The following COPG2 variants were observed in gnomAD, a reference collection of about 807,000 sequenced individuals.
The protein encoded by COPG2 is coat protein complex I subunit gamma 2, also known as coatomer subunit gamma-2.
A neutral mutation model predicts 46.3 loss-of-function variants in COPG2; 37 were observed. That is an observed-to-expected ratio of 0.80 (90% confidence interval 0.61 to 1.05). The LOEUF is 1.05. Among genes scored for constraint, COPG2 ranks in the 50% least tolerant of loss-of-function variants. COPG2 has a pLI of 0.00. For synonymous variants in COPG2, 159 were observed against 129.7 expected (o/e 1.23, Z -1.53); for missense variants, 427 against 387.8 (o/e 1.10, Z -0.85).
chr7:130,617,658 T>C (rs1794971964), intron 5 of COPG2, among the ~76,000 whole-genome samples: 1 of 152,162 alleles, frequency 6.6e-6, no homozygotes, highest in Non-Finnish European at 1.5e-5. Flanking sequence ...CTTCTTTAGC[T>C]CCCCATGCAT....
rs564558208 is a variant in COPG2, at chr7:130,600,001, T to C, written c.737+10952A>G. ...ATATTCTCTCTTAGATGCAGGGTTCTAAATAGGAGGTCAATTTTGTTATCA... is the reference window on the plus strand; with the variant it reads ...ATATTCTCTCTTAGATGCAGGGTTCCAAATAGGAGGTCAATTTTGTTATCA... On this transcript the variant is annotated intron_variant, in intron 9 of 23. Coordinates refer to ENST00000425248, the MANE Select transcript of COPG2 (RefSeq NM_012133.6). Among the ~76,000 whole-genome samples the C allele has an allele frequency of 1.4e-3, 219 of 152,330 alleles. 1 individual carries two copies. Among genetic ancestry groups the C allele is most frequent in the Non-Finnish European group, 2.4e-3 (164 of 68,034 alleles).
chr7:130,626,111 CA>C (rs1231702315), intron 5 of COPG2, among the ~76,000 whole-genome samples: 3 of 152,152 alleles, frequency 2.0e-5, no homozygotes, highest in Admixed American at 1.3e-4. Context: ...TTACTGGGAA[CA>C]TTCAAAATCC....
chr7:130,654,599 T>C (rs1262597536), intron 4 of COPG2, among the ~76,000 whole-genome samples: 34 of 152,186 alleles, frequency 2.2e-4, no homozygotes, highest in African/African-American at 8.0e-4. Flanking sequence ...CATATACGTA[T>C]AAGGAATCAG....
rs1432464848 is a variant in COPG2 at position 130,552,398 on chromosome 7, G to C, written c.1501C>G (p.Gln501Glu). Residue 501 changes from glutamine to glutamate, a missense_variant, in exon 15 of 24, where the codon CAG (glutamine) becomes GAG (glutamate). Gln to Glu is a conservative substitution (Grantham distance 29, BLOSUM62 2). Transcript: ENST00000425248. ...AVSALAKFGA[Q>E]NESLLPSILV... ...ATGCTTGGGAGAAGACTCTCATTCT[G>C]AGCCCCAAATTTAGCCAAAGCACTC... is the stretch of plus-strand genomic sequence containing the variant. The C allele has an allele frequency of 5.0e-6, 2 of 397,996 alleles. No homozygotes were observed. The highest frequency in any genetic ancestry group is 2.1e-5 in the African/African-American group (1 of 48,460). The allele number at this position is 397,996 out of a possible 1,614,324, so 24.7% of individuals were successfully genotyped here. A position where few individuals can be genotyped will look rare whatever the true frequency, so the allele number is the denominator to read the frequency against.
At chr7:130,521,876 G>T (rs1478803232) in intron 20 of COPG2, among the ~76,000 whole-genome samples, 1 of 152,136 alleles carries the variant, frequency 6.6e-6, no homozygotes, top group Non-Finnish European at 1.5e-5. Context: ...TAGAAAAGAA[G>T]CAAGTCAGAA....
At chr7:130,516,387 C>G (rs1439707963) in intron 20 of COPG2, among the ~76,000 whole-genome samples, 1 of 152,086 alleles carries the variant, frequency 6.6e-6, no homozygotes, top group African/African-American at 2.4e-5. Context: ...GTATCCATCA[C>G]TATGAAAGGT....
At chr7:130,582,363 C>T (rs1794168632) in intron 9 of COPG2, among the ~76,000 whole-genome samples, 1 of 147,946 alleles carries the variant, frequency 6.8e-6, no homozygotes, top group Non-Finnish European at 1.5e-5. Flanking sequence ...GGATTAAAGA[C>T]TTAAACGTTA....
chr7:130,628,159 G>T (rs1795150610), intron 5 of COPG2, among the ~76,000 whole-genome samples: 1 of 152,104 alleles, frequency 6.6e-6, no homozygotes, highest in Non-Finnish European at 1.5e-5. Flanking sequence ...GGAGACTACA[G>T]TTTTATTATT....
chr7:130,635,539 G>GT (rs57707130), intron 5 of COPG2, among the ~76,000 whole-genome samples: 29,432 of 152,064 alleles, frequency 0.19, 3,032 homozygotes, highest in Middle Eastern at 0.25. Context: ...TTGTATTTCT[G>GT]TGGGATCAGT....
intron 20 of COPG2, among the ~76,000 whole-genome samples, chr7:130,539,813 C>T (rs926383598): frequency 3.9e-5 from 6 of 152,188 alleles, no homozygotes; most frequent in African/African-American, 1.4e-4. Flanking sequence ...ACAGGCAGGA[C>T]AGCCATAGTT....
At chr7:130,612,499 A>G (rs1554452272) in intron 7 of COPG2, among the ~76,000 whole-genome samples, 1 of 152,204 alleles carries the variant, frequency 6.6e-6, no homozygotes, top group Non-Finnish European at 1.5e-5. Context: ...AGAACAGGAT[A>G]GGGATGGACA....
intron 20 of COPG2, among the ~76,000 whole-genome samples, chr7:130,528,181 C>T (rs1187584179): frequency 2.6e-5 from 4 of 151,706 alleles, no homozygotes; most frequent in Admixed American, 2.6e-4. Context: ...CGTTTGTACC[C>T]GTGGGATGTG....
intron 5 of COPG2, among the ~76,000 whole-genome samples, chr7:130,646,607 C>A (rs922993727): frequency 3.3e-5 from 5 of 152,024 alleles, no homozygotes; most frequent in Admixed American, 6.6e-5. Context: ...TATGGTTTGG[C>A]TCTGTCATCT....
chr7:130,598,111 A>G (rs1554449926), intron 9 of COPG2, among the ~76,000 whole-genome samples: 1 of 152,004 alleles, frequency 6.6e-6, no homozygotes, highest in African/African-American at 2.4e-5. Context: ...GGGACATTAG[A>G]GCAAGGGCTG....
At chr7:130,568,813 C>T (rs1793847685) in intron 9 of COPG2, among the ~76,000 whole-genome samples, 1 of 152,088 alleles carries the variant, frequency 6.6e-6, no homozygotes, top group Non-Finnish European at 1.5e-5. Context: ...TGACAGGCCA[C>T]AAAACAAGTC....
At chr7:130,647,933 T>G (rs1554458518) in intron 5 of COPG2, among the ~76,000 whole-genome samples, 1 of 152,054 alleles carries the variant, frequency 6.6e-6, no homozygotes. Context: ...GGTTTCACCG[T>G]GTTAGCCAGG....
At chr7:130,516,937 A>G (rs1298565189) in intron 20 of COPG2, among the ~76,000 whole-genome samples, 2 of 152,164 alleles carry the variant, frequency 1.3e-5, no homozygotes, top group East Asian at 3.9e-4. Context: ...AATACAGTGG[A>G]GAATGTGGCA....
Position 130,652,937 on chromosome 7 carries a change from C to A in COPG2, c.255G>T (p.Arg85Ser). 1 of 1,598,534 alleles carries A rather than the reference C, an allele frequency of 6.3e-7. No homozygotes were observed. The highest frequency in any genetic ancestry group is 8.5e-7 in the Non-Finnish European group (1 of 1,170,096). Residue 85 changes from arginine (R) to serine (S), a missense_variant, in exon 5 of 24, where the codon AGG becomes AGT. Transcript: ENST00000425248. ...CTTTGATGGTAAGGTAGCACATTCT[C>A]CTCAATGTTTGCTGAAAAATCATTT... ...RLFQSNDQTL[R>S]RMCYLTIKEM... is the part of the protein sequence containing the mutation.
chr7:130,522,743 G>A (rs1428806979), intron 20 of COPG2, among the ~76,000 whole-genome samples: 2 of 151,768 alleles, frequency 1.3e-5, no homozygotes, highest in African/African-American at 4.9e-5. Flanking sequence ...AAAATGCTAA[G>A]TAAGAAGTAT....
Sources: gnomAD v4.1 joint callset for allele counts (sites outside exome capture counted in the v4.1 genomes callset) on GRCh38, gnomAD v4.1.1 for gene constraint, MANE v1.5 for transcripts, NCBI Gene and HGNC (gene_info 2026-07-23, HGNC 2026-07-21) for gene names.